The following DLGAP1 variants were observed in gnomAD, a reference collection of about 807,000 sequenced individuals.
DLGAP1 encodes the protein DLG associated protein 1, also known as disks large-associated protein 1.
In DLGAP1, 11 loss-of-function variants were observed where a neutral mutation model predicts 90.8. The observed-to-expected ratio is 0.12, with a 90% CI of 0.08 to 0.20. The LOEUF (loss-of-function observed/expected upper bound fraction) is 0.20. Ranked by LOEUF, DLGAP1 falls within the 10% of genes least tolerant of loss-of-function variation. The probability of loss-of-function intolerance (pLI) is 1.00; values close to 1 mark genes in which losing one functional copy is unlikely to be tolerated. For synonymous variants in DLGAP1, 558 were observed against 540.7 expected, an observed-to-expected ratio of 1.03 and a Z score of -0.44; for missense variants, 1,050 against 1,333.8, an observed-to-expected ratio of 0.79 and a Z score of 3.31.
At chr18:3,670,828 C>T (rs887380281) in intron 7 of DLGAP1, among the ~76,000 whole-genome samples, 11 of 152,200 alleles carry the variant, frequency 7.2e-5, no homozygotes, top group African/African-American at 2.7e-4. Flanking sequence ...AATCATCTAA[C>T]ATTAACTGTC....
rs555573974 is a variant in DLGAP1, at chr18:3,901,663, G to A, written c.-72-21523C>T. Reference sequence around the variant, plus strand: ...TGGCAATATTTTACCACCTACATGGGGTATTTTCACTTTACTTTAACATTT... The same window carrying A: ...TGGCAATATTTTACCACCTACATGGAGTATTTTCACTTTACTTTAACATTT... On this transcript the variant is annotated intron_variant, in intron 3 of 12. Transcript: ENST00000315677. Among the ~76,000 whole-genome samples, 14 of 151,968 alleles carry A rather than the reference G, an allele frequency of 9.2e-5. No homozygotes were observed. The South Asian group carries it at 2.3e-3, about 25-fold the overall frequency.
intron 1 of DLGAP1, among the ~76,000 whole-genome samples, chr18:4,412,035 C>T (rs761240886): frequency 2.0e-5 from 3 of 152,132 alleles, no homozygotes; most frequent in Non-Finnish European, 2.9e-5. Flanking sequence ...GGAAGGACGT[C>T]CTTATCTTGT....
intron 9 of DLGAP1, among the ~76,000 whole-genome samples, chr18:3,538,278 C>T (rs1245989366): frequency 6.6e-6 from 1 of 151,734 alleles, no homozygotes; most frequent in Non-Finnish European, 1.5e-5. Flanking sequence ...CGAAGATAAA[C>T]TAGCCAAAGT....
chr18:4,006,556 T>G (rs2074305040), intron 2 of DLGAP1, among the ~76,000 whole-genome samples: 1 of 152,100 alleles, frequency 6.6e-6, no homozygotes, highest in African/African-American at 2.4e-5. Context: ...GGAGGGTTAA[T>G]CATAGTTATC....
chr18:4,367,381 T>C (rs2081799349), intron 1 of DLGAP1, among the ~76,000 whole-genome samples: 1 of 152,108 alleles, frequency 6.6e-6, no homozygotes, highest in Admixed American at 6.6e-5. Context: ...CCTAATTTTA[T>C]CCTGAGTTGC....
intron 4 of DLGAP1, among the ~76,000 whole-genome samples, chr18:3,842,700 TA>T (rs918326079): frequency 1.8e-4 from 27 of 151,554 alleles, no homozygotes; most frequent in Admixed American, 3.9e-4. Flanking sequence ...GTTTCAGCGT[TA>T]AAAAAAAGCA....
At chr18:3,767,570 C>T (rs1443350779) in intron 5 of DLGAP1, among the ~76,000 whole-genome samples, 4 of 151,878 alleles carry the variant, frequency 2.6e-5, no homozygotes, top group East Asian at 1.9e-4. Context: ...GAATTTACTC[C>T]GCTTGGATGG....
chr18:4,089,879 A>G (rs751919665), intron 2 of DLGAP1, among the ~76,000 whole-genome samples: 1 of 152,282 alleles, frequency 6.6e-6, no homozygotes, highest in East Asian at 1.9e-4. Flanking sequence ...CCCCGTCTCT[A>G]CTAAAAACAC....
At chr18:3,920,891 C>T (rs1376310599) in intron 3 of DLGAP1, among the ~76,000 whole-genome samples, 2 of 152,304 alleles carry the variant, frequency 1.3e-5, no homozygotes, top group African/African-American at 4.8e-5. Context: ...TCTGGCAAAA[C>T]TGAAATGTTC....
chr18:4,280,900 C>T (rs1169034713), intron 1 of DLGAP1: 1 of 152,170 alleles, frequency 6.6e-6, no homozygotes, highest in Non-Finnish European at 1.5e-5. Flanking sequence ...TTACTAATCC[C>T]ACCCTCAGCA....
At chr18:4,408,833 G>A (rs1179608223) in intron 1 of DLGAP1, among the ~76,000 whole-genome samples, 9 of 152,088 alleles carry the variant, frequency 5.9e-5, no homozygotes, top group Admixed American at 5.9e-4. Context: ...CTCAAAAGCA[G>A]AGGTAGGTAT....
chr18:3,580,629 C>T, intron 8 of DLGAP1: 1 of 1,595,980 alleles, frequency 6.3e-7, no homozygotes, highest in Non-Finnish European at 8.6e-7. Flanking sequence ...GCCGGTGAGC[C>T]TTTGTCGGCT....
chr18:4,019,815 GCACA>G (rs749258676), intron 2 of DLGAP1, among the ~76,000 whole-genome samples: 5 of 141,074 alleles, frequency 3.5e-5, no homozygotes, highest in African/African-American at 5.4e-5. Context: ...GCGTGTGCGC[GCACA>G]CACACACACA....
chr18:3,574,379 G>T lies in DLGAP1; in HGVS notation c.1966-6798C>A, dbSNP rs1052377796. 2.8e-4 allele frequency among the ~76,000 whole-genome samples: 42 copies of T among 152,104 alleles called. 1 individual carries two copies. Among genetic ancestry groups the T allele is most frequent in the Middle Eastern group, 6.3e-3 (2 of 316 alleles). The stretch of plus-strand genomic sequence containing the variant: ...GAAATTTTTGTTAGGTCATAACTAT[G>T]GCCACAGCCCATAGTGGTGATTTAT... On this transcript the variant is annotated intron_variant, in intron 8 of 12. Transcript: ENST00000315677.
intron 1 of DLGAP1, among the ~76,000 whole-genome samples, chr18:4,452,341 A>C (rs1212823902): frequency 6.6e-6 from 1 of 152,188 alleles, no homozygotes; most frequent in Non-Finnish European, 1.5e-5. Flanking sequence ...GTTGATGTTC[A>C]AAGAATATGG....
intron 2 of DLGAP1, among the ~76,000 whole-genome samples, chr18:4,033,676 T>C (rs930084650): frequency 5.3e-5 from 8 of 152,184 alleles, no homozygotes; most frequent in Middle Eastern, 3.4e-3. Flanking sequence ...TTCCAAATAA[T>C]TCGGGTGAAA....
chr18:3,696,541 TGAA>T (rs2061099869), intron 7 of DLGAP1, among the ~76,000 whole-genome samples: 1 of 152,026 alleles, frequency 6.6e-6, no homozygotes, highest in Non-Finnish European at 1.5e-5. Flanking sequence ...ATCCCAGGGA[TGAA>T]GCCTACTTGA....
intron 1 of DLGAP1, among the ~76,000 whole-genome samples, chr18:4,291,748 C>G (rs1335736264): frequency 1.3e-5 from 2 of 152,026 alleles, no homozygotes; most frequent in African/African-American, 4.8e-5. Context: ...GCAAAGGAAG[C>G]CTATGGTCTA....
In DLGAP1 at chr18:3,843,806, G is replaced by C. The variant is rs149272034; in HGVS notation, c.958-29533C>G. Among the ~76,000 whole-genome samples the C allele has an allele frequency of 2.2e-4, 33 of 152,264 alleles. No homozygotes were observed. The East Asian group carries it at 6.4e-3, about 29-fold the overall frequency. ...TTGTTGTTAAAAATTAACTGTGATA[G>C]ACTGAAATTCCATTCCACATTCCTA... On this transcript the variant is annotated intron_variant, in intron 4 of 12. Transcript: ENST00000315677.
Sources: allele counts gnomAD v4.1 joint callset (sites outside exome capture counted in the v4.1 genomes callset), GRCh38; gene constraint gnomAD v4.1.1; transcripts MANE v1.5; gene names NCBI Gene and HGNC (gene_info 2026-07-23, HGNC 2026-07-21).